The following SOS2 variants were observed in gnomAD, a reference collection of about 807,000 sequenced individuals.
SOS2 encodes the protein SOS Ras/Rho guanine nucleotide exchange factor 2, also known as son of sevenless homolog 2.
Under a neutral mutation model 148.2 loss-of-function variants are expected in SOS2, and 65 were observed. That is an observed-to-expected ratio of 0.44 (90% confidence interval 0.36 to 0.54). The LOEUF is 0.54. Ranked by LOEUF, SOS2 falls within the 20% of genes least tolerant of loss-of-function variation. The pLI, the probability that SOS2 is intolerant of heterozygous loss-of-function variation, is 0.00. For missense variants in SOS2, 1,341 were observed against 1,590.2 expected (o/e 0.84, Z 2.67); for synonymous variants, 539 against 537.1 (o/e 1.00, Z -0.05).
At position 50,138,683 on chromosome 14, in the gene SOS2, C is replaced by T; in HGVS notation, c.2887G>A (p.Ala963Thr). The T allele has an allele frequency of 6.4e-7, 1 of 1,559,294 alleles. No homozygotes were observed. The highest frequency in any genetic ancestry group is 8.8e-7 in the Non-Finnish European group (1 of 1,140,770). ...LINFSKRRKV[A>T]EITGEIQQYQ... ...TGCTGAATTTCTCCAGTAATTTCAG[C>T]TACTTTCCTCCTCTTACTGAAATTG... Residue 963 changes from alanine (A) to threonine (T), a missense_variant, in exon 18 of 23, where the codon GCT (alanine) becomes ACT (threonine). Physicochemically the swap from Ala to Thr is moderately conservative, Grantham distance 58. Transcript: ENST00000216373.
At chr14:50,120,244 G>A (rs562113490) in intron 22 of SOS2, 31 bp downstream of exon 22, 1 of 964,850 alleles carries the variant, frequency 1.0e-6, no homozygotes, top group African/African-American at 1.6e-5. Context: ...TCACAACTTT[G>A]AATAAGTTGG....
intron 3 of SOS2, 93 bp from the exon 4 acceptor site, chr14:50,199,948 A>C: frequency 1.3e-6 from 1 of 772,454 alleles, no homozygotes; most frequent in East Asian, 2.8e-5. Context: ...TGCTTATAAA[A>C]AATTTTCTAT....
intron 8 of SOS2, among the ~76,000 whole-genome samples, chr14:50,173,111 T>C (rs892541410): frequency 6.6e-6 from 1 of 151,744 alleles, no homozygotes; most frequent in Admixed American, 6.6e-5. Context: ...GGTGGGACTA[T>C]AGGCTTGTGG....
chr14:50,194,022 G>C (rs1438009589), intron 4 of SOS2, among the ~76,000 whole-genome samples: 10 of 152,184 alleles, frequency 6.6e-5, no homozygotes, highest in Admixed American at 6.5e-4. Flanking sequence ...TAGGATTACA[G>C]GTGTGAGCCA....
chr14:50,160,461 A>C lies in SOS2; in HGVS notation c.1197-375T>G, dbSNP rs189739149. Reference sequence around the variant, plus strand: ...GAATGCAATGGCACGATCTTGGCTCACTGCAACCTCCCCCTCCCAGGTTTA... The same window carrying C: ...GAATGCAATGGCACGATCTTGGCTCCCTGCAACCTCCCCCTCCCAGGTTTA... On this transcript the variant is annotated intron_variant, in intron 9 of 22. Coordinates refer to ENST00000216373, the MANE Select transcript of SOS2 (RefSeq NM_006939.4). 4.8e-5 allele frequency among the ~76,000 whole-genome samples: 6 copies of C among 125,280 alleles called. No individual in the cohort carries two copies. The East Asian group carries it at 1.3e-3, about 28-fold the overall frequency. 82.2% of individuals were successfully genotyped at this position (125,280 alleles called of 152,430 possible). A position where few individuals can be genotyped will look rare whatever the true frequency, so the allele number is the denominator to read the frequency against.
chr14:50,215,724 A>AT (rs1160987090), intron 1 of SOS2, among the ~76,000 whole-genome samples: 8 of 142,184 alleles, frequency 5.6e-5, no homozygotes, highest in Admixed American at 4.9e-4. Flanking sequence ...TTAAAGTATA[A>AT]TAAAAAAAAA....
intron 7 of SOS2, among the ~76,000 whole-genome samples, chr14:50,176,972 T>C (rs1173392348): frequency 6.6e-6 from 1 of 152,210 alleles, no homozygotes; most frequent in Admixed American, 6.5e-5. Flanking sequence ...ATCGCGCCAC[T>C]GCACTCCAGC....
At chr14:50,218,665 G>A (rs1176242953) in intron 1 of SOS2, among the ~76,000 whole-genome samples, 1 of 152,110 alleles carries the variant, frequency 6.6e-6, no homozygotes, top group African/African-American at 2.4e-5. Flanking sequence ...TAATCACTAG[G>A]GAAATGCAAA....
At chr14:50,120,900 C>A (rs1037319617) in intron 21 of SOS2, among the ~76,000 whole-genome samples, 2 of 152,134 alleles carry the variant, frequency 1.3e-5, no homozygotes, top group African/African-American at 4.8e-5. Flanking sequence ...CTACCACCCC[C>A]AGCTAATTTT....
Position 50,117,162 on chromosome 14 carries a change from T to C in SOS2, c.*1182A>G, listed in dbSNP as rs1231418170. On this transcript the variant is annotated 3_prime_UTR_variant, in exon 23 of 23. Transcript: ENST00000216373. ...AATTAAGACTGGGGTGATTTATTAA[T>C]CTTGTTAAGAACTCTGATACAAAGC... The C allele has an allele frequency of 6.6e-6, 1 of 152,204 alleles. No homozygotes were observed. The highest frequency in any genetic ancestry group is 1.5e-5 in the Non-Finnish European group (1 of 68,058). 9.4% of individuals were successfully genotyped at this position (152,204 alleles called of 1,614,324 possible).
chr14:50,158,710 A>T, intron 10 of SOS2, 64 bp from the exon 11 acceptor site: 1 of 1,070,998 alleles, frequency 9.3e-7, no homozygotes, highest in South Asian at 1.4e-5. Flanking sequence ...AACTCAAAGT[A>T]CCATATTTGG....
At chr14:50,178,936 G>C (rs1441224444) in intron 7 of SOS2, among the ~76,000 whole-genome samples, 2 of 151,978 alleles carry the variant, frequency 1.3e-5, no homozygotes, top group African/African-American at 4.8e-5. Context: ...GGTTTCGCCA[G>C]GCTGGCAAGG....
chr14:50,131,408 T>C (rs1883860716), intron 19 of SOS2, among the ~76,000 whole-genome samples: 1 of 152,216 alleles, frequency 6.6e-6, no homozygotes, highest in African/African-American at 2.4e-5. Context: ...CTTTGTAAAA[T>C]GAGAATAAGA....
chr14:50,211,871 T>A (rs1886882540), intron 1 of SOS2, among the ~76,000 whole-genome samples: 1 of 152,150 alleles, frequency 6.6e-6, no homozygotes, highest in African/African-American at 2.4e-5. Flanking sequence ...ATAAATAACA[T>A]TATTAATAAT....
intron 13 of SOS2, among the ~76,000 whole-genome samples, chr14:50,152,460 T>G (rs760171084): frequency 1.8e-4 from 27 of 152,174 alleles, no homozygotes; most frequent in Non-Finnish European, 3.7e-4. Flanking sequence ...TTTATTCAGT[T>G]GAAGAAATGG....
intron 1 of SOS2, among the ~76,000 whole-genome samples, chr14:50,216,214 A>G (rs760077642): frequency 1.5e-4 from 22 of 151,532 alleles, no homozygotes; most frequent in Non-Finnish European, 2.7e-4. Flanking sequence ...CACCTGCCTC[A>G]GCCTCCCAAG....
chr14:50,212,293 G>A (rs774387369), intron 1 of SOS2, among the ~76,000 whole-genome samples: 22 of 152,168 alleles, frequency 1.4e-4, no homozygotes, highest in Non-Finnish European at 2.4e-4. Flanking sequence ...GGCCAACACG[G>A]TGAAACCCCG....
At chr14:50,132,581 A>C (rs1484535275) in intron 19 of SOS2, among the ~76,000 whole-genome samples, 1 of 151,962 alleles carries the variant, frequency 6.6e-6, no homozygotes, top group Admixed American at 6.6e-5. Context: ...GAATTGCTTG[A>C]ACCTGGGAGG....
chr14:50,205,006 T>C (rs1183863423), intron 1 of SOS2, among the ~76,000 whole-genome samples: 1 of 151,864 alleles, frequency 6.6e-6, no homozygotes, highest in African/African-American at 2.4e-5. Context: ...ATAAGAAATA[T>C]GGTAAATAAT....
Sources: gnomAD v4.1 joint callset for allele counts (sites outside exome capture counted in the v4.1 genomes callset) on GRCh38, gnomAD v4.1.1 for gene constraint, MANE v1.5 for transcripts, NCBI Gene and HGNC (gene_info 2026-07-23, HGNC 2026-07-21) for gene names.